The following SLC35F1 variants were observed in gnomAD, a reference collection of about 807,000 sequenced individuals.
SLC35F1 encodes the protein solute carrier family 35 member F1.
Under a neutral mutation model 48.7 loss-of-function variants are expected in SLC35F1, and 14 were observed. The ratio of observed to expected loss-of-function variants is 0.29; its 90% CI spans 0.19 to 0.45. The LOEUF is 0.45. Ranked by LOEUF, SLC35F1 falls within the 20% of genes least tolerant of loss-of-function variation. The pLI is 1.00. For synonymous variants in SLC35F1, 190 were observed against 202.2 expected (o/e 0.94, Z 0.51); for missense variants, 404 against 500.0 (o/e 0.81, Z 1.83).
chr6:118,066,729 A>AG (rs1772619368), intron 1 of SLC35F1, among the ~76,000 whole-genome samples: 1 of 151,224 alleles, frequency 6.6e-6, no homozygotes, highest in Non-Finnish European at 1.5e-5. Flanking sequence ...AGCTTATCTA[A>AG]GGCAGTAGTT....
At chr6:117,933,937 G>A (rs1426495259) in intron 1 of SLC35F1, among the ~76,000 whole-genome samples, 1 of 151,866 alleles carries the variant, frequency 6.6e-6, no homozygotes, top group Non-Finnish European at 1.5e-5. Context: ...AATTAAAGTG[G>A]AATCAGTGGA....
chr6:118,285,370 G>C, intron 7 of SLC35F1, 32 bp downstream of exon 7: 1 of 1,611,602 alleles, frequency 6.2e-7, no homozygotes, highest in South Asian at 1.1e-5. Context: ...TTGTGAAGAT[G>C]ATACTTTGTA....
At chr6:118,310,363 G>A (rs776717391) in intron 7 of SLC35F1, among the ~76,000 whole-genome samples, 1 of 152,082 alleles carries the variant, frequency 6.6e-6, no homozygotes, top group Non-Finnish European at 1.5e-5. Flanking sequence ...AGCCTAGATT[G>A]TACAATACTT....
chr6:118,138,233 A>G (rs2114436049), intron 1 of SLC35F1, among the ~76,000 whole-genome samples: 1 of 151,852 alleles, frequency 6.6e-6, no homozygotes, highest in South Asian at 2.1e-4. Context: ...ACTTGAGCTC[A>G]GGAGTTCCAG....
chr6:118,154,319 A>G, intron 1 of SLC35F1, 126 bp from the exon 2 acceptor site: 1 of 775,200 alleles, frequency 1.3e-6, no homozygotes, highest in South Asian at 2.2e-5. Context: ...TTGATGGACT[A>G]AAGGGAATAA....
intron 1 of SLC35F1, among the ~76,000 whole-genome samples, chr6:117,920,407 A>C (rs999085037): frequency 4.6e-4 from 70 of 152,330 alleles, no homozygotes; most frequent in African/African-American, 1.6e-3. Context: ...CAGCTCGGCG[A>C]ATGGCCTTCA....
chr6:118,213,073 T>C (rs1036725985), intron 2 of SLC35F1, among the ~76,000 whole-genome samples: 17 of 152,228 alleles, frequency 1.1e-4, no homozygotes, highest in Non-Finnish European at 4.4e-5. Context: ...TGAATCCATC[T>C]GGGCATCTTT....
chr6:118,174,136 T>C (rs1467500961), intron 2 of SLC35F1, among the ~76,000 whole-genome samples: 1 of 152,190 alleles, frequency 6.6e-6, no homozygotes, highest in Admixed American at 6.6e-5. Flanking sequence ...CAGTCTCTAC[T>C]GTTTTTTTAT....
intron 1 of SLC35F1, among the ~76,000 whole-genome samples, chr6:118,043,186 A>G (rs1246495442): frequency 6.6e-6 from 1 of 152,164 alleles, no homozygotes; most frequent in African/African-American, 2.4e-5. Context: ...CCTAACAGGT[A>G]CTCAATAAAT....
chr6:117,912,268 C>A (rs918267656), intron 1 of SLC35F1, among the ~76,000 whole-genome samples: 1 of 152,014 alleles, frequency 6.6e-6, no homozygotes, highest in African/African-American at 2.4e-5. Context: ...ATTTCTGAAA[C>A]CTTTTTGAAT....
intron 2 of SLC35F1, among the ~76,000 whole-genome samples, chr6:118,185,791 C>T (rs1774647874): frequency 6.6e-6 from 1 of 152,052 alleles, no homozygotes; most frequent in South Asian, 2.1e-4. Flanking sequence ...AGCCTTGGTC[C>T]AAGCACCTGT....
chr6:118,273,534 A>G (rs1023280490), intron 4 of SLC35F1, among the ~76,000 whole-genome samples: 1 of 152,220 alleles, frequency 6.6e-6, no homozygotes. Context: ...TTATAATTTT[A>G]CAATTTTAGT....
chr6:117,967,329 A>G (rs554735235), intron 1 of SLC35F1, among the ~76,000 whole-genome samples: 7 of 152,346 alleles, frequency 4.6e-5, no homozygotes, highest in African/African-American at 1.4e-4. Flanking sequence ...AATTTTTACT[A>G]TATTTCTAAA....
intron 2 of SLC35F1, among the ~76,000 whole-genome samples, chr6:118,176,432 C>T (rs558596257): frequency 2.0e-4 from 30 of 152,186 alleles, no homozygotes; most frequent in South Asian, 6.2e-4. Flanking sequence ...TGGGCTCAAG[C>T]GATCCTCCTG....
chr6:118,225,551 T>C (rs1775204342), intron 2 of SLC35F1, among the ~76,000 whole-genome samples: 1 of 152,074 alleles, frequency 6.6e-6, no homozygotes, highest in South Asian at 2.1e-4. Context: ...GAAGAAAACA[T>C]TGGGGAAATA....
intron 1 of SLC35F1, among the ~76,000 whole-genome samples, chr6:118,043,735 TG>T (rs1772260796): frequency 6.6e-6 from 1 of 152,230 alleles, no homozygotes; most frequent in Non-Finnish European, 1.5e-5. Context: ...TTAAATGTAT[TG>T]TACGCTTATG....
At chr6:118,204,727 C>T (rs1350430264) in intron 2 of SLC35F1, among the ~76,000 whole-genome samples, 1 of 152,108 alleles carries the variant, frequency 6.6e-6, no homozygotes, top group African/African-American at 2.4e-5. Context: ...AACAGAACCA[C>T]CTCTGTAACC....
intron 1 of SLC35F1, among the ~76,000 whole-genome samples, chr6:117,999,676 G>T (rs1441505446): frequency 2.0e-5 from 3 of 151,642 alleles, no homozygotes; most frequent in African/African-American, 7.3e-5. Context: ...TTTTTGAAAG[G>T]ATCAACAAAA....
intron 3 of SLC35F1, among the ~76,000 whole-genome samples, chr6:118,244,325 A>G (rs1775480682): frequency 6.6e-6 from 1 of 152,272 alleles, no homozygotes; most frequent in Non-Finnish European, 1.5e-5. Context: ...GTAGAAGAAA[A>G]TGGCTTTATT....
Sources: allele counts gnomAD v4.1 joint callset (sites outside exome capture counted in the v4.1 genomes callset), GRCh38; gene constraint gnomAD v4.1.1; transcripts MANE v1.5; gene names NCBI Gene and HGNC (gene_info 2026-07-23, HGNC 2026-07-21).